TCF4: variants seen among roughly 807,000 people sequenced by gnomAD.
TCF4 encodes SL3-3 enhancer factor 2.
TCF4 carries 3 observed loss-of-function variants against 82.1 expected under a neutral mutation model. The ratio of observed to expected loss-of-function variants is 0.04; its 90% CI spans 0.02 to 0.09. TCF4 has a LOEUF of 0.09. TCF4 is among the 10% of genes least tolerant of loss of function. The pLI, the probability that TCF4 is intolerant of heterozygous loss-of-function variation, is 1.00. For synonymous variants in TCF4, 276 were observed against 309.6 expected, an observed-to-expected ratio of 0.89 and a Z score of 1.14; for missense variants, 518 against 852.7, an observed-to-expected ratio of 0.61 and a Z score of 4.89.
intron 3 of TCF4, among the ~76,000 whole-genome samples, chr18:55,573,064 A>G (rs2097490309): frequency 6.6e-6 from 1 of 152,030 alleles, no homozygotes; most frequent in African/African-American, 2.4e-5. Flanking sequence ...AAAAAAAAAA[A>G]GCCAAAATGG....
At chr18:55,228,136 A>G (rs1357250613) in intron 19 of TCF4, 85 bp downstream of exon 19, 21 of 1,554,450 alleles carry the variant, frequency 1.4e-5, no homozygotes, top group Admixed American at 3.4e-5. Context: ...ATATCTGTCA[A>G]TTTGGGTGAA....
At chr18:55,614,384 T>C (rs1313026349) in intron 2 of TCF4, among the ~76,000 whole-genome samples, 2 of 152,216 alleles carry the variant, frequency 1.3e-5, no homozygotes, top group African/African-American at 4.8e-5. Context: ...ACTGGCAGTA[T>C]AAGTAGTGTG....
intron 8 of TCF4, among the ~76,000 whole-genome samples, chr18:55,334,132 A>C (rs1336420645): frequency 1.3e-5 from 2 of 152,218 alleles, no homozygotes; most frequent in African/African-American, 4.8e-5. Context: ...TCCATAAATG[A>C]AATGGAATGT....
chr18:55,518,247 T>G (rs913757069), intron 3 of TCF4, among the ~76,000 whole-genome samples: 1 of 152,160 alleles, frequency 6.6e-6, no homozygotes, highest in African/African-American at 2.4e-5. Context: ...TAAATATTTA[T>G]AGCTAATATG....
chr18:55,479,193 T>C (rs2096368016), intron 3 of TCF4: 1 of 152,644 alleles, frequency 6.6e-6, no homozygotes, highest in African/African-American at 2.4e-5. Context: ...TATTATTTTC[T>C]CCTCAGAGAA....
At chr18:55,589,397 C>T (rs1020812660), upstream of TCF4, 2 of 1,054,368 alleles carry the variant, frequency 1.9e-6, no homozygotes, top group African/African-American at 3.3e-5. Context: ...CATGTGTATC[C>T]CCAAAAAGTA....
chr18:55,593,501 G>A (rs590076), upstream of TCF4, among the ~76,000 whole-genome samples: 43,095 of 151,880 alleles, frequency 0.28, 7,067 homozygotes, highest in Middle Eastern at 0.43. Flanking sequence ...ATTATATGTT[G>A]AAGGGTACTT....
At chr18:55,626,108 A>C (rs1387183158) in intron 2 of TCF4, among the ~76,000 whole-genome samples, 2 of 152,234 alleles carry the variant, frequency 1.3e-5, no homozygotes, top group Non-Finnish European at 2.9e-5. Context: ...TATGGTGCAC[A>C]CTATTCCAAC....
intron 8 of TCF4, chr18:55,321,227 C>T (rs987181921): frequency 4.8e-6 from 1 of 208,912 alleles, no homozygotes; most frequent in South Asian, 7.7e-5. Context: ...TTAGATATCA[C>T]AAAACCTCAA....
At chr18:55,277,885 G>C (rs374524286) in intron 9 of TCF4, among the ~76,000 whole-genome samples, 106 of 152,238 alleles carry the variant, frequency 7.0e-4, no homozygotes, top group Non-Finnish European at 1.1e-3. Flanking sequence ...ACAAAACAGG[G>C]GACTGATGCT....
intron 2 of TCF4, among the ~76,000 whole-genome samples, chr18:55,618,272 T>G (rs569544711): frequency 6.6e-6 from 1 of 152,326 alleles, no homozygotes; most frequent in South Asian, 2.1e-4. Context: ...TTAATTGATT[T>G]ACATATGTTG....
chr18:55,372,384 A>C lies in TCF4; in HGVS notation c.370-21381T>G, dbSNP rs148978987. ...GATGCTCCAATCCCAGGGTCAATAC[A>C]TACATGGAGCTGGAGTGGAGTGTGA... On this transcript the variant is annotated intron_variant, in intron 6 of 19. Coordinates refer to ENST00000354452, the MANE Select transcript of TCF4 (RefSeq NM_001083962.2). 3.0e-3 allele frequency among the ~76,000 whole-genome samples: 458 copies of C among 152,220 alleles called. 2 individuals are homozygous for C. The highest frequency in any genetic ancestry group is 0.017 in the South Asian group (83 of 4,818).
At chr18:55,378,375 C>T (rs2091267762) in intron 6 of TCF4, among the ~76,000 whole-genome samples, 2 of 152,124 alleles carry the variant, frequency 1.3e-5, no homozygotes, top group Non-Finnish European at 2.9e-5. Context: ...ATTATTTAAT[C>T]CTCACAAAAT....
At chr18:55,616,605 T>G (rs1305075088) in intron 2 of TCF4, among the ~76,000 whole-genome samples, 4 of 152,146 alleles carry the variant, frequency 2.6e-5, no homozygotes, top group Admixed American at 2.6e-4. Context: ...TTCCAATTTC[T>G]TCACATCCTC....
intron 1 of TCF4, among the ~76,000 whole-genome samples, chr18:55,631,550 A>T (rs1280609185): frequency 6.6e-6 from 1 of 152,114 alleles, no homozygotes. Flanking sequence ...CAAATGACTA[A>T]GCTGGTGAAA....
chr18:55,374,871 T>TAA (rs5825137), intron 6 of TCF4, among the ~76,000 whole-genome samples: 2,547 of 67,042 alleles, frequency 0.038, 99 homozygotes, highest in African/African-American at 0.078. Flanking sequence ...AGGCCCTGTC[T>TAA]AAAAAAAAAA....
chr18:55,237,834 T>C (rs552484072), intron 15 of TCF4, among the ~76,000 whole-genome samples: 4 of 152,232 alleles, frequency 2.6e-5, no homozygotes, highest in Non-Finnish European at 5.9e-5. Flanking sequence ...TGGCATATTC[T>C]AACCCTGTTT....
At chr18:55,358,753 GC>G (rs572327664) in intron 6 of TCF4, among the ~76,000 whole-genome samples, 96 of 152,316 alleles carry the variant, frequency 6.3e-4, no homozygotes, top group South Asian at 4.1e-3. Flanking sequence ...CTTCATAGGA[GC>G]CCATCTAATT....
At chr18:55,503,841 G>A (rs1353598409) in intron 3 of TCF4, among the ~76,000 whole-genome samples, 1 of 152,112 alleles carries the variant, frequency 6.6e-6, no homozygotes, top group Admixed American at 6.6e-5. Flanking sequence ...TTGGGAGGCC[G>A]AGGTGGACGG....
Sources: gnomAD v4.1 joint callset for allele counts (sites outside exome capture counted in the v4.1 genomes callset) on GRCh38, gnomAD v4.1.1 for gene constraint, MANE v1.5 for transcripts, NCBI Gene and HGNC (gene_info 2026-07-23, HGNC 2026-07-21) for gene names.